The following SCUBE1 variants were observed in gnomAD, a reference collection of about 807,000 sequenced individuals.
SCUBE1 encodes the protein signal peptide, CUB and EGF-like domain-containing protein 1.
In SCUBE1, 59 loss-of-function variants were observed where a neutral mutation model predicts 124.4. That is an observed-to-expected ratio of 0.47 (90% CI 0.38 to 0.59). The LOEUF (loss-of-function observed/expected upper bound fraction) is 0.59. Ranked by LOEUF, SCUBE1 falls within the 20% of genes least tolerant of loss-of-function variation. SCUBE1 has a pLI of 0.00. For synonymous variants in SCUBE1, 545 were observed against 550.9 expected (o/e 0.99, Z 0.15); for missense variants, 1,150 against 1,371.2 (o/e 0.84, Z 2.55).
At chr22:43,281,556 TCCC>T (rs769072325) in intron 4 of SCUBE1, among the ~76,000 whole-genome samples, 2 of 80,072 alleles carry the variant, frequency 2.5e-5, no homozygotes, top group African/African-American at 5.4e-5. Context: ...TCCTGTCACC[TCCC>T]CCTCAGCCAC....
At chr22:43,221,677 G>A (rs1414443318) in intron 12 of SCUBE1, among the ~76,000 whole-genome samples, 1 of 152,194 alleles carries the variant, frequency 6.6e-6, no homozygotes, top group East Asian at 1.9e-4. Context: ...ATAGATCCAG[G>A]ACTGCCGGTT....
chr22:43,305,304 C>G (rs1925926954), intron 3 of SCUBE1, among the ~76,000 whole-genome samples: 1 of 152,214 alleles, frequency 6.6e-6, no homozygotes, highest in African/African-American at 2.4e-5. Context: ...CTGGATTTCT[C>G]TGAGTGTTTC....
intron 9 of SCUBE1, 45 bp from the exon 10 acceptor site, chr22:43,227,541 G>A: frequency 2.5e-6 from 4 of 1,593,294 alleles, no homozygotes; most frequent in Non-Finnish European, 3.4e-6. Context: ...GCTGGCGGCT[G>A]GCGGCTGGCA....
intron 4 of SCUBE1, among the ~76,000 whole-genome samples, chr22:43,289,558 T>C (rs1419902465): frequency 2.6e-5 from 4 of 152,242 alleles, no homozygotes; most frequent in Admixed American, 6.5e-5. Flanking sequence ...CACTTTATTA[T>C]CCTGAGTACT....
chr22:43,212,613 C>T (rs1233489517), intron 16 of SCUBE1, 21 bp from the exon 17 acceptor site: 1 of 1,555,104 alleles, frequency 6.4e-7, no homozygotes, highest in Non-Finnish European at 8.7e-7. Context: ...GAGGTCATGG[C>T]TCAGGCGGGC....
At chr22:43,214,046 C>CCGGGGGGGG in intron 16 of SCUBE1, 44 bp downstream of exon 16, 5 of 422,700 alleles carry the variant, frequency 1.2e-5, no homozygotes, top group Non-Finnish European at 2.1e-5. Context: ...GAGGAGCCCC[C>CCGGGGGGGG]GCCCACCCCC....
chr22:43,319,207 G>A (rs1033036430), intron 3 of SCUBE1, among the ~76,000 whole-genome samples: 11 of 152,102 alleles, frequency 7.2e-5, no homozygotes, highest in African/African-American at 2.7e-4. Flanking sequence ...ACTTAAAAAT[G>A]GAGTTTGTAG....
intron 4 of SCUBE1, among the ~76,000 whole-genome samples, chr22:43,264,325 T>C (rs771457245): frequency 1.3e-5 from 2 of 152,228 alleles, no homozygotes; most frequent in Non-Finnish European, 2.9e-5. Context: ...ACAGAGGAGC[T>C]GTGCAAATTA....
intron 2 of SCUBE1, among the ~76,000 whole-genome samples, chr22:43,332,657 C>T (rs565384331): frequency 2.0e-5 from 3 of 152,308 alleles, no homozygotes; most frequent in African/African-American, 7.2e-5. Context: ...ATTCTGCCAT[C>T]GGTCCACACC....
chr22:43,209,730 G>A (rs1036877322), intron 19 of SCUBE1, among the ~76,000 whole-genome samples: 1 of 152,236 alleles, frequency 6.6e-6, no homozygotes, highest in Admixed American at 6.5e-5. Flanking sequence ...GGGGCCCTGC[G>A]GCTGGTCCCG....
At chr22:43,340,176 C>T (rs892106978) in intron 1 of SCUBE1, among the ~76,000 whole-genome samples, 8 of 151,866 alleles carry the variant, frequency 5.3e-5, no homozygotes, top group East Asian at 2.0e-4. Context: ...CTGGCTTCCA[C>T]GCCCCCACAC....
intron 4 of SCUBE1, among the ~76,000 whole-genome samples, chr22:43,274,860 G>A (rs941754193): frequency 4.6e-5 from 7 of 152,214 alleles, no homozygotes; most frequent in Admixed American, 3.9e-4. Flanking sequence ...TGCATGAGGG[G>A]CGGCAGCGGG....
chr22:43,205,670 CCACTCACCACT>C (rs1182098773), intron 21 of SCUBE1, among the ~76,000 whole-genome samples: 1 of 135,038 alleles, frequency 7.4e-6, no homozygotes, highest in African/African-American at 2.9e-5. Context: ...CACCACACAC[CCACTCACCACT>C]CACTCACCCC....
intron 16 of SCUBE1, among the ~76,000 whole-genome samples, chr22:43,213,839 C>T (rs895734546): frequency 6.6e-5 from 10 of 150,660 alleles, no homozygotes; most frequent in Non-Finnish European, 4.4e-5. Flanking sequence ...GAGAGCACAC[C>T]GAGTGCAGTG....
chr22:43,282,635 C>T (rs1042027199), intron 4 of SCUBE1: 2 of 152,210 alleles, frequency 1.3e-5, no homozygotes, highest in Non-Finnish European at 2.9e-5. Flanking sequence ...GCTGACCACC[C>T]ACCTTCTCTC....
intron 3 of SCUBE1, among the ~76,000 whole-genome samples, chr22:43,296,115 G>A (rs1925548504): frequency 2.0e-5 from 3 of 152,248 alleles, no homozygotes; most frequent in South Asian, 2.1e-4. Context: ...GCCAGGCCGT[G>A]GGCATGTAGA....
chr22:43,266,115 T>C lies in SCUBE1; in HGVS notation c.485-3270A>G, dbSNP rs116827993. On this transcript the variant is annotated intron_variant, in intron 4 of 21. Coordinates refer to ENST00000360835, the MANE Select transcript of SCUBE1 (RefSeq NM_173050.5). ...GACTCCATCTCAAAGAAAAAAAAAA[T>C]ATTACATGTTAGCACAAGTCATATA... 1.7e-3 allele frequency among the ~76,000 whole-genome samples: 255 copies of C among 151,900 alleles called. 1 individual carries two copies. The highest frequency in any genetic ancestry group is 5.8e-3 in the African/African-American group (240 of 41,426).
chr22:43,341,186 T>G (rs995695879), intron 1 of SCUBE1, among the ~76,000 whole-genome samples: 2 of 150,370 alleles, frequency 1.3e-5, no homozygotes, highest in African/African-American at 4.9e-5. Context: ...CGGCCTGTCC[T>G]AGACAGCTGC....
rs1303829340 is a variant in SCUBE1 at position 43,203,817 on chromosome 22, C to T, written c.*180G>A. 2 of 603,370 alleles carry T rather than the reference C, an allele frequency of 3.3e-6. No individual in the cohort carries two copies. Among genetic ancestry groups the T allele is most frequent in the African/African-American group, 3.8e-5 (2 of 53,012 alleles). The allele number at this position is 603,370 out of a possible 1,614,324, so 37.4% of individuals were successfully genotyped here. On this transcript the variant is annotated 3_prime_UTR_variant, in exon 22 of 22. Transcript: ENST00000360835. ...GGAGGCTTCCTGAAGCAGGGTGCTC[C>T]CACAGGGGCAGCGGGTCCGAAGGGT...
Sources: gnomAD v4.1 joint callset for allele counts (sites outside exome capture counted in the v4.1 genomes callset) on GRCh38, gnomAD v4.1.1 for gene constraint, MANE v1.5 for transcripts, NCBI Gene and HGNC (gene_info 2026-07-23, HGNC 2026-07-21) for gene names.